The following CSPG4 variants were observed in gnomAD, a reference collection of about 807,000 sequenced individuals.
The protein encoded by CSPG4 is chondroitin sulfate proteoglycan 4.
Under a neutral mutation model 139.3 loss-of-function variants are expected in CSPG4, and 74 were observed. The ratio of observed to expected loss-of-function variants is 0.53; its 90% CI spans 0.44 to 0.64. CSPG4 has a LOEUF of 0.64. CSPG4 is among the 30% of genes least tolerant of loss of function. The probability of loss-of-function intolerance (pLI) is 0.00; values close to 1 mark genes in which losing one functional copy is unlikely to be tolerated. For synonymous variants in CSPG4, 1,234 were observed against 1,394.2 expected, an observed-to-expected ratio of 0.89 and a Z score of 2.56; for missense variants, 2,565 against 3,148.3, an observed-to-expected ratio of 0.81 and a Z score of 4.43.
chr15:75,676,170 C>T lies in CSPG4; in HGVS notation c.6349G>A (p.Asp2117Asn), dbSNP rs1431516252. 14 of 1,550,814 alleles carry T rather than the reference C, an allele frequency of 9.0e-6. No homozygotes were observed. The highest frequency in any genetic ancestry group is 9.5e-6 in the Non-Finnish European group (11 of 1,155,050). Residue 2117 changes from aspartate to asparagine, a missense_variant, in exon 10 of 10, where the codon GAC (aspartate) becomes AAC (asparagine). Asp to Asn is a conservative substitution (Grantham distance 23). Coordinates refer to ENST00000308508, the MANE Select transcript of CSPG4 (RefSeq NM_001897.5). ...SQLVEQFTQQ[D>N]LEDGRLGLEV... ...AGCCCCAGCCTCCCGTCCTCAAGGT[C>T]CTGCTGAGTGAACTGCTCCACCAGC...
chr15:75,675,342 G>C lies in CSPG4; in HGVS notation c.*208C>G. 1 of 458,202 alleles carries C rather than the reference G, an allele frequency of 2.2e-6. No individual in the cohort carries two copies. The highest frequency in any genetic ancestry group is 4.2e-5 in the Admixed American group (1 of 23,602). 28.4% of individuals were successfully genotyped at this position (458,202 alleles called of 1,614,324 possible). A position where few individuals can be genotyped will look rare whatever the true frequency, so the allele number is the denominator to read the frequency against. On this transcript the variant is annotated 3_prime_UTR_variant, in exon 10 of 10. Coordinates refer to ENST00000308508, the MANE Select transcript of CSPG4 (RefSeq NM_001897.5). ...CACCTTGGCCCCTGCAGTTCTCCAG[G>C]CTCGGAGTGAGCTGAGGGAGGTTCC...
At position 75,698,724 on chromosome 15, in the gene CSPG4, G is replaced by T. The variant is rs1596012128; in HGVS notation, c.89-5491C>A. ...GGGCTCCTCAGGCAAGGGAGAAGCT[G>T]TCTGGTGTGCCTACTCAGGGGTGAG... On this transcript the variant is annotated intron_variant, in intron 1 of 9. Coordinates refer to ENST00000308508, the MANE Select transcript of CSPG4 (RefSeq NM_001897.5). This position sits in a 1 kb window ranked among gnomAD's most constrained non-coding sequence, Gnocchi z 4.3. Among the ~76,000 whole-genome samples the T allele has an allele frequency of 6.6e-6, 1 of 152,066 alleles. No individual in the cohort carries two copies. The highest frequency in any genetic ancestry group is 2.4e-5 in the African/African-American group (1 of 41,418).
Position 75,689,482 on chromosome 15 carries a change from A to G in CSPG4, c.1583T>C (p.Val528Ala). ...CCTCCGAAGGCATGAGGGCATGGGCACCCGAGCCGTCACCGACACCTCCAG... is the reference window on the plus strand; with the variant it reads ...CCTCCGAAGGCATGAGGGCATGGGCGCCCGAGCCGTCACCGACACCTCCAG... ...LVLEVSVTARVPMPSCLRRGQ... is the reference protein window; with the variant it reads ...LVLEVSVTARAPMPSCLRRGQ... The change falls in exon 3 of 10, where the codon GTG becomes GCG. Residue 528 changes from valine (V) to alanine (A), a missense_variant. Physicochemically the swap from Val to Ala is moderately conservative, Grantham distance 64 (BLOSUM62 0). This residue lies in a region of CSPG4 where 2,316 missense variants were observed against 2,818.2 expected (regional missense o/e 0.82). Transcript: ENST00000308508. 6.2e-7 allele frequency: 1 copy of G among 1,612,578 alleles called. No individual in the cohort carries two copies. The highest frequency in any genetic ancestry group is 8.5e-7 in the Non-Finnish European group (1 of 1,179,830).
chr15:75,676,910 T>C lies in CSPG4; in HGVS notation c.5609A>G (p.Tyr1870Cys). The change falls in exon 10 of 10, where the codon TAC becomes TGC. Residue 1870 changes from tyrosine (Y) to cysteine (C), a missense_variant. Physicochemically the swap from Tyr to Cys is radical, Grantham distance 194 (BLOSUM62 -2). Coordinates refer to ENST00000308508, the MANE Select transcript of CSPG4 (RefSeq NM_001897.5). ...GTTGTGGGGTGCCCGCTGGACCTCG[T>C]ACTCAATCTCCCCAGGAGCTGAGTC... is the stretch of plus-strand genomic sequence containing the variant. ...DPDSAPGEIEYEVQRAPHNGF... is the reference protein window; with the variant it reads ...DPDSAPGEIECEVQRAPHNGF... 1 of 1,573,912 alleles carries C rather than the reference T, an allele frequency of 6.4e-7. No homozygotes were observed. Among genetic ancestry groups the C allele is most frequent in the Non-Finnish European group, 8.6e-7 (1 of 1,160,672 alleles).
At chr15:75,705,814 C>G (rs1894361863) in intron 1 of CSPG4, among the ~76,000 whole-genome samples, 1 of 152,126 alleles carries the variant, frequency 6.6e-6, no homozygotes, top group African/African-American at 2.4e-5. Flanking sequence ...CCTCCTTGAC[C>G]AGGGTGGGAA....
intron 4 of CSPG4, 105 bp from the exon 5 acceptor site, chr15:75,685,017 G>T: frequency 7.7e-7 from 1 of 1,293,934 alleles, no homozygotes; most frequent in South Asian, 1.3e-5. Context: ...ATTTTCCATT[G>T]GTAGAAAATG....
rs562069097 is a variant in CSPG4 at position 75,674,449 on chromosome 15, G to C, written c.*1101C>G. The C allele has an allele frequency of 5.4e-5, 19 of 351,870 alleles. No individual in the cohort carries two copies. Among genetic ancestry groups the C allele is most frequent in the African/African-American group, 2.7e-4 (13 of 47,906 alleles). The allele number at this position is 351,870 out of a possible 1,614,324, so 21.8% of individuals were successfully genotyped here. A position where few individuals can be genotyped will look rare whatever the true frequency, so the allele number is the denominator to read the frequency against. On this transcript the variant is annotated 3_prime_UTR_variant, in exon 10 of 10. Transcript: ENST00000308508. The stretch of plus-strand genomic sequence containing the variant: ...GACTGGCCCACCTGCCCACACAGGT[G>C]GGGGCACAGGAGGTCTGGGAGGCCC...
intron 1 of CSPG4, among the ~76,000 whole-genome samples, chr15:75,700,432 C>A (rs956905166): frequency 6.6e-6 from 1 of 152,128 alleles, no homozygotes; most frequent in East Asian, 1.9e-4. Context: ...TCTCCTTGGG[C>A]GGTTTGGCAG....
At chr15:75,710,467 C>T (rs893358604) in intron 1 of CSPG4, among the ~76,000 whole-genome samples, 8 of 152,082 alleles carry the variant, frequency 5.3e-5, no homozygotes, top group African/African-American at 9.7e-5. Flanking sequence ...GGAGCACCCT[C>T]GAAGCAGGGC....
intron 1 of CSPG4, among the ~76,000 whole-genome samples, chr15:75,704,358 T>C (rs1480803420): frequency 1.3e-5 from 2 of 152,106 alleles, no homozygotes; most frequent in Non-Finnish European, 2.9e-5. Context: ...AATATCTCGC[T>C]GGCCCCAGGG....
Position 75,676,754 on chromosome 15 carries a change from G to A in CSPG4, c.5765C>T (p.Ser1922Phe). The change falls in exon 10 of 10, where the codon TCT becomes TTT. Residue 1922 changes from serine to phenylalanine, a missense_variant. Ser to Phe is a radical substitution (Grantham distance 155). Coordinates refer to ENST00000308508, the MANE Select transcript of CSPG4 (RefSeq NM_001897.5). ...GGGCAGGGGTGGGCTGGCCCCATCA[G>A]ACATGCTCAGCTGGAAGATGCCTGC... ...SVAGIFQLSMSDGASPPLPMS... is the reference protein window; with the variant it reads ...SVAGIFQLSMFDGASPPLPMS... The A allele has an allele frequency of 5.8e-6, 9 of 1,559,870 alleles. No homozygotes were observed. The highest frequency in any genetic ancestry group is 2.3e-5 in the East Asian group (1 of 44,190).
At position 75,690,215 on chromosome 15, in the gene CSPG4, G is replaced by T; in HGVS notation, c.850C>A (p.Pro284Thr). Residue 284 changes from proline (P) to threonine (T), a missense_variant, in exon 3 of 10, where the codon CCC (proline) becomes ACC (threonine). By Grantham distance (38) the Pro-to-Thr change is conservative. Around this residue, in one of 5 missense-constraint regions of CSPG4, gnomAD observed 2,316 missense variants for 2,818.2 expected, o/e 0.82. Transcript: ENST00000308508. ...HNSVPVADGQ[P>T]HEVSVHINAH... is the part of the protein sequence containing the mutation. ...TTGATGTGGACACTGACCTCATGGGGCTGCCCATCGGCCACAGGCACACTG... is the reference window on the plus strand; with the variant it reads ...TTGATGTGGACACTGACCTCATGGGTCTGCCCATCGGCCACAGGCACACTG... 1 of 1,613,386 alleles carries T rather than the reference G, an allele frequency of 6.2e-7. No individual in the cohort carries two copies. The highest frequency in any genetic ancestry group is 8.5e-7 in the Non-Finnish European group (1 of 1,179,866).
At position 75,708,416 on chromosome 15, in the gene CSPG4, G is replaced by T. The variant is rs11072560; in HGVS notation, c.88+4252C>A. 5.4e-5 allele frequency among the ~76,000 whole-genome samples: 7 copies of T among 130,378 alleles called. 1 individual carries two copies. In the East Asian group the frequency reaches 6.6e-4, roughly 12 times the overall value. The allele number at this position is 130,378 out of a possible 152,430, so 85.5% of individuals were successfully genotyped here. ...GGCTTCATTGGCAACCCTAGCTTTG[G>T]GGGGAGAGGGTTTTTTGAAGGGGAT... On this transcript the variant is annotated intron_variant, in intron 1 of 9. Transcript: ENST00000308508.
chr15:75,687,653 G>A lies in CSPG4; in HGVS notation c.3412C>T (p.Pro1138Ser). The change falls in exon 3 of 10, where the codon CCT (proline) becomes TCT (serine). Residue 1138 changes from proline (P) to serine (S), a missense_variant. Transcript: ENST00000308508. This position sits in a 1 kb window ranked among gnomAD's most constrained non-coding sequence, Gnocchi z 5.4. The part of the protein sequence containing the change: ...RVANGSSLVV[P>S]QGGQGTIDTA... ...TCGATGGTGCCCTGGCCTCCTTGAG[G>A]GACCACAAGGCTGGAGCCGTTGGCC... 2 of 1,612,830 alleles carry A rather than the reference G, an allele frequency of 1.2e-6. No individual in the cohort carries two copies. The highest frequency in any genetic ancestry group is 1.1e-5 in the South Asian group (1 of 91,048).
chr15:75,683,379 C>G (rs187976980), intron 5 of CSPG4, among the ~76,000 whole-genome samples: 80 of 152,302 alleles, frequency 5.3e-4, no homozygotes, highest in African/African-American at 1.9e-3. Context: ...AAACCCCCAG[C>G]GCTGACCAAC....
In CSPG4 at chr15:75,675,217, C is replaced by T. The variant is rs1186118102; in HGVS notation, c.*333G>A. On this transcript the variant is annotated 3_prime_UTR_variant, in exon 10 of 10. Coordinates refer to ENST00000308508, the MANE Select transcript of CSPG4 (RefSeq NM_001897.5). ...GTCAGGCGCGACTTACCCAAGGTCA[C>T]AGACCCAGGACCCAGAGTCATGACC... 1 of 304,698 alleles carries T rather than the reference C, an allele frequency of 3.3e-6. No individual in the cohort carries two copies. Among genetic ancestry groups the T allele is most frequent in the Non-Finnish European group, 6.0e-6 (1 of 166,728 alleles). The allele number at this position is 304,698 out of a possible 1,614,324, so 18.9% of individuals were successfully genotyped here.
chr15:75,685,628 A>AG lies in CSPG4; in HGVS notation c.3862_3863insC (p.Val1288AlafsTer11). 3.1e-6 allele frequency: 5 copies of AG among 1,609,810 alleles called. No individual in the cohort carries two copies. Among genetic ancestry groups the AG allele is most frequent in the Non-Finnish European group, 3.4e-6 (4 of 1,179,626 alleles). ...TGCCAAGGCGCCACGCGACACCATC[A>AG]CCAGGTAGCCGGCACTCGGTGGGCT... is the stretch of plus-strand genomic sequence containing the variant. On this transcript the variant is annotated frameshift_variant, in exon 4 of 10. Coordinates refer to ENST00000308508, the MANE Select transcript of CSPG4 (RefSeq NM_001897.5). LOFTEE classifies it high-confidence loss of function.
chr15:75,684,759 G>C lies in CSPG4; in HGVS notation c.4426C>G (p.Leu1476Val). Residue 1476 changes from leucine (L) to valine (V), a missense_variant, in exon 5 of 10, where the codon CTC (leucine) becomes GTC (valine). Physicochemically the swap from Leu to Val is conservative, Grantham distance 32. This residue lies in a region of CSPG4 where 2,316 missense variants were observed against 2,818.2 expected (regional missense o/e 0.82). Coordinates refer to ENST00000308508, the MANE Select transcript of CSPG4 (RefSeq NM_001897.5). ...ACCTGCAGGCCTGTGTTTGTAGTGA[G>C]GATGGGGGGTTGGTCATTGACAGGC... is the stretch of plus-strand genomic sequence containing the variant. ...VLPVNDQPPI[L>V]TTNTGLQMWE... The C allele has an allele frequency of 1.9e-6, 3 of 1,613,818 alleles. No individual in the cohort carries two copies. Among genetic ancestry groups the C allele is most frequent in the Non-Finnish European group, 2.5e-6 (3 of 1,179,918 alleles).
In CSPG4 at chr15:75,675,762, C is replaced by A; in HGVS notation, c.6757G>T (p.Gly2253Cys). The part of the protein sequence containing the change: ...LFYLRKRNKT[G>C]KHDVQVLTAK... ...GTCAGGACCTGGACGTCATGCTTGC[C>A]CGTCTTGTTGCGTTTTCGGAGGTAG... is the stretch of plus-strand genomic sequence containing the variant. The change falls in exon 10 of 10, where the codon GGC becomes TGC. Residue 2253 changes from glycine (G) to cysteine (C), a missense_variant. Coordinates refer to ENST00000308508, the MANE Select transcript of CSPG4 (RefSeq NM_001897.5). 1 of 1,612,326 alleles carries A rather than the reference C, an allele frequency of 6.2e-7. No individual in the cohort carries two copies. Among genetic ancestry groups the A allele is most frequent in the Non-Finnish European group, 8.5e-7 (1 of 1,178,952 alleles).
Sources: gnomAD v4.1 joint callset for allele counts (sites outside exome capture counted in the v4.1 genomes callset) on GRCh38, gnomAD v4.1.1 for gene constraint, gnomAD v4.1.1 regional missense constraint, Gnocchi (gnomAD v3.1) non-coding constraint, MANE v1.5 for transcripts, NCBI Gene and HGNC (gene_info 2026-07-23, HGNC 2026-07-21) for gene names.